The following AUTS2 variants were observed in gnomAD, a reference collection of about 807,000 sequenced individuals.
The protein encoded by AUTS2 is activator of transcription and developmental regulator AUTS2.
AUTS2 carries 17 observed loss-of-function variants against 112.4 expected under a neutral mutation model. The observed-to-expected ratio is 0.15, with a 90% CI of 0.10 to 0.23. The LOEUF (loss-of-function observed/expected upper bound fraction) is 0.23. AUTS2 is among the 10% of genes least tolerant of loss of function. The pLI is 1.00. For missense variants in AUTS2, 1,510 were observed against 1,701.6 expected, an observed-to-expected ratio of 0.89 and a Z score of 1.98; for synonymous variants, 751 against 702.7, an observed-to-expected ratio of 1.07 and a Z score of -1.09.
At chr7:70,684,205 AAAGATTATT>A (rs551378483) in intron 5 of AUTS2, among the ~76,000 whole-genome samples, 51 of 152,268 alleles carry the variant, frequency 3.3e-4, no homozygotes, top group Admixed American at 3.3e-3. Flanking sequence ...TCAGTACCCT[AAAGATTATT>A]AATACTTTCA....
intron 6 of AUTS2, chr7:70,698,870 A>G (rs1809287859): frequency 2.9e-6 from 1 of 347,874 alleles, no homozygotes; most frequent in Non-Finnish European, 5.2e-6. Context: ...CTACTATGTG[A>G]CTTTAATATA....
chr7:69,962,411 A>G (rs755156203), intron 2 of AUTS2, among the ~76,000 whole-genome samples: 2 of 152,098 alleles, frequency 1.3e-5, no homozygotes, highest in Non-Finnish European at 2.9e-5. Flanking sequence ...CCGTCCCCCT[A>G]AAGATTTAAG....
chr7:69,758,627 G>A (rs1397835361), intron 1 of AUTS2, among the ~76,000 whole-genome samples: 1 of 152,208 alleles, frequency 6.6e-6, no homozygotes, highest in Non-Finnish European at 1.5e-5. Flanking sequence ...TCTAAAAAGA[G>A]TCTAGAAAAG....
intron 2 of AUTS2, among the ~76,000 whole-genome samples, chr7:69,949,879 G>C (rs1254704233): frequency 1.3e-5 from 2 of 152,152 alleles, no homozygotes; most frequent in African/African-American, 4.8e-5. Flanking sequence ...GTGCATAGTA[G>C]ATAATTAATA....
At chr7:69,944,866 T>G (rs1419087184) in intron 2 of AUTS2, among the ~76,000 whole-genome samples, 2 of 152,198 alleles carry the variant, frequency 1.3e-5, no homozygotes, top group African/African-American at 4.8e-5. Flanking sequence ...CAAAGCAGCC[T>G]ACTTTGATGA....
At chr7:70,345,971 A>AT (rs972439863) in intron 4 of AUTS2, among the ~76,000 whole-genome samples, 118 of 149,166 alleles carry the variant, frequency 7.9e-4, no homozygotes, top group African/African-American at 2.6e-3. Context: ...GAAGTCTATC[A>AT]TTTTTTTTTT....
At chr7:70,432,937 C>A (rs919316438) in intron 4 of AUTS2, among the ~76,000 whole-genome samples, 5 of 152,172 alleles carry the variant, frequency 3.3e-5, no homozygotes, top group African/African-American at 1.2e-4. Flanking sequence ...GACTCCACGA[C>A]TGGCCTTGTC....
intron 1 of AUTS2, among the ~76,000 whole-genome samples, chr7:69,857,033 C>G (rs1792759481): frequency 6.6e-6 from 1 of 152,176 alleles, no homozygotes; most frequent in Admixed American, 6.5e-5. Context: ...TTATTTTCCC[C>G]TGTTAAATCA....
chr7:70,613,434 G>T (rs142024673), intron 5 of AUTS2, among the ~76,000 whole-genome samples: 205 of 152,250 alleles, frequency 1.3e-3, no homozygotes, highest in African/African-American at 4.6e-3. Flanking sequence ...ATTATGAAAG[G>T]AGATGAGGAG....
intron 4 of AUTS2, among the ~76,000 whole-genome samples, chr7:70,306,986 A>G (rs980274990): frequency 6.6e-6 from 1 of 152,150 alleles, no homozygotes; most frequent in African/African-American, 2.4e-5. Context: ...AAAAGAAAAA[A>G]TGGGTAAAAA....
At chr7:69,977,237 G>T (rs1798097838) in intron 2 of AUTS2, among the ~76,000 whole-genome samples, 1 of 152,114 alleles carries the variant, frequency 6.6e-6, no homozygotes, top group African/African-American at 2.4e-5. Flanking sequence ...CTTTGTCAAA[G>T]ATTGTTTAAC....
chr7:70,501,242 T>TG (rs1173137049), intron 5 of AUTS2, among the ~76,000 whole-genome samples: 4 of 152,212 alleles, frequency 2.6e-5, no homozygotes, highest in African/African-American at 9.6e-5. Flanking sequence ...GTTTTTACTC[T>TG]GGGGGGCACA....
intron 5 of AUTS2, among the ~76,000 whole-genome samples, chr7:70,530,183 T>A (rs1800021309): frequency 6.6e-6 from 1 of 151,924 alleles, no homozygotes; most frequent in African/African-American, 2.4e-5. Context: ...CCAAGGGGAG[T>A]TTTGCGTTGT....
intron 1 of AUTS2, among the ~76,000 whole-genome samples, chr7:69,789,464 T>C (rs556964397): frequency 6.6e-6 from 1 of 152,344 alleles, no homozygotes; most frequent in African/African-American, 2.4e-5. Context: ...TTCCCTGTTA[T>C]TAATTTAAGT....
chr7:70,568,892 C>T (rs4717535), intron 5 of AUTS2, among the ~76,000 whole-genome samples: 80,740 of 152,098 alleles, frequency 0.53, 22,017 homozygotes, highest in Admixed American at 0.6. Flanking sequence ...CTTTCTGTGG[C>T]TGTTGACAAA....
chr7:69,670,370 G>A (rs1324250942), intron 1 of AUTS2, among the ~76,000 whole-genome samples: 1 of 151,976 alleles, frequency 6.6e-6, no homozygotes, highest in Admixed American at 6.6e-5. Flanking sequence ...TAGCAGAGGG[G>A]AAAAATTAAA....
At chr7:69,932,899 C>T (rs1451584622) in intron 2 of AUTS2, among the ~76,000 whole-genome samples, 4 of 152,186 alleles carry the variant, frequency 2.6e-5, no homozygotes, top group Non-Finnish European at 4.4e-5. Context: ...AGAATAGAAG[C>T]TTTTAAGCAA....
intron 6 of AUTS2, among the ~76,000 whole-genome samples, chr7:70,729,517 A>G (rs1787241060): frequency 1.3e-5 from 2 of 152,144 alleles, no homozygotes; most frequent in South Asian, 2.1e-4. Context: ...GTTTTAACCA[A>G]TCTTGCCAGT....
chr7:69,939,189 G>A (rs1192936647), intron 2 of AUTS2, among the ~76,000 whole-genome samples: 1 of 152,092 alleles, frequency 6.6e-6, no homozygotes, highest in East Asian at 1.9e-4. Context: ...TTAATTTGTA[G>A]AGGGCTCAAC....
Sources: allele counts gnomAD v4.1 joint callset (sites outside exome capture counted in the v4.1 genomes callset), GRCh38; gene constraint gnomAD v4.1.1; transcripts MANE v1.5; gene names NCBI Gene and HGNC (gene_info 2026-07-23, HGNC 2026-07-21).